RECK: variants seen among roughly 807,000 people sequenced by gnomAD.
RECK encodes the protein reversion inducing cysteine rich protein with kazal motifs.
RECK carries 69 observed loss-of-function variants against 115.1 expected under a neutral mutation model. The ratio of observed to expected loss-of-function variants is 0.60; its 90% CI spans 0.49 to 0.73. The LOEUF (loss-of-function observed/expected upper bound fraction) is 0.73. Among genes scored for constraint, RECK ranks in the 30% least tolerant of loss-of-function variants. The pLI is 0.00. For missense variants in RECK, 1,047 were observed against 1,203.7 expected, an observed-to-expected ratio of 0.87 and a Z score of 1.93; for synonymous variants, 414 against 419.7, an observed-to-expected ratio of 0.99 and a Z score of 0.17.
Position 36,072,276 on chromosome 9 carries a change from C to T in RECK, c.405+6652C>T, listed in dbSNP as rs1822261951. The stretch of plus-strand genomic sequence containing the variant: ...TTAACTTTGGTTCTAGATTTACTAC[C>T]AGAAGCATAAAGGAAAAGGGATGAA... On this transcript the variant is annotated intron_variant, in intron 6 of 20. Transcript: ENST00000377966. 1.3e-5 allele frequency among the ~76,000 whole-genome samples: 2 copies of T among 151,998 alleles called. 1 individual carries two copies. Among genetic ancestry groups the T allele is most frequent in the African/African-American group, 4.8e-5 (2 of 41,388 alleles).
intron 12 of RECK, among the ~76,000 whole-genome samples, chr9:36,104,146 C>T (rs1180393325): frequency 6.6e-6 from 1 of 150,838 alleles, no homozygotes; most frequent in African/African-American, 2.4e-5. Flanking sequence ...GCTAAATTAT[C>T]CTTCTTAGAC....
chr9:36,043,206 T>TTTG (rs1209953725), intron 1 of RECK, among the ~76,000 whole-genome samples: 2 of 143,538 alleles, frequency 1.4e-5, no homozygotes, highest in East Asian at 4.0e-4. Flanking sequence ...TTTTTTTTTT[T>TTTG]TTTTTTTTTG....
rs138284608 is a variant in RECK, at chr9:36,083,587, T to C, written c.637+25T>C. 119 of 1,596,084 alleles carry C rather than the reference T, an allele frequency of 7.5e-5. No homozygotes were observed. The East Asian group carries it at 2.6e-3, about 35-fold the overall frequency. ...AGTAAGTAAAAGGGACATATTCTTC[T>C]CATTTCAATCTTTGGTAAAATCGTT... On this transcript the variant is annotated intron_variant, in intron 8 of 20. Transcript: ENST00000377966.
chr9:36,120,461 A>G (rs1824418682), intron 18 of RECK, among the ~76,000 whole-genome samples: 1 of 152,122 alleles, frequency 6.6e-6, no homozygotes, highest in African/African-American at 2.4e-5. Flanking sequence ...GAAGGATGAA[A>G]AGCAGGGGTA....
intron 1 of RECK, among the ~76,000 whole-genome samples, chr9:36,049,917 C>A (rs1259840619): frequency 2.0e-5 from 3 of 152,168 alleles, no homozygotes; most frequent in Non-Finnish European, 4.4e-5. Context: ...GTTTGAAATC[C>A]TTATTACTTG....
intron 6 of RECK, among the ~76,000 whole-genome samples, chr9:36,070,339 G>A (rs1478844563): frequency 6.6e-6 from 1 of 152,140 alleles, no homozygotes; most frequent in Non-Finnish European, 1.5e-5. Context: ...TAGGAATCCA[G>A]ACTAAAGATG....
chr9:36,037,885 A>G (rs542509443), intron 1 of RECK, among the ~76,000 whole-genome samples: 79 of 151,074 alleles, frequency 5.2e-4, no homozygotes, highest in African/African-American at 1.8e-3. Context: ...TCGACCTAGG[A>G]TGAGTGGAAA....
chr9:36,120,787 C>T (rs1388877739), intron 19 of RECK, 51 bp downstream of exon 19: 1 of 1,188,846 alleles, frequency 8.4e-7, no homozygotes, highest in Non-Finnish European at 1.3e-6. Flanking sequence ...CTAAGCCTCT[C>T]AGTAATCCTA....
At chr9:36,081,854 T>C (rs1445066274) in intron 7 of RECK, among the ~76,000 whole-genome samples, 1 of 150,660 alleles carries the variant, frequency 6.6e-6, no homozygotes, top group African/African-American at 2.4e-5. Flanking sequence ...AAAAAATTTG[T>C]TCTTTGTGAA....
chr9:36,076,076 C>G (rs1822435290), intron 6 of RECK, among the ~76,000 whole-genome samples: 1 of 152,072 alleles, frequency 6.6e-6, no homozygotes, highest in South Asian at 2.1e-4. Flanking sequence ...AAAGCCAAAT[C>G]AAATTGGACA....
At position 36,064,908 on chromosome 9, in the gene RECK, C is replaced by A. The variant is rs115555030; in HGVS notation, c.358-669C>A. 7.3e-3 allele frequency among the ~76,000 whole-genome samples: 1,112 copies of A among 152,002 alleles called. 12 individuals carry two copies. The highest frequency in any genetic ancestry group is 0.024 in the African/African-American group (991 of 41,484). ...CTGACTCATGTGGAAAAACAGCCACCCCTCAGCAGATTTTTTTTGGCTTCT... is the reference window on the plus strand; with the variant it reads ...CTGACTCATGTGGAAAAACAGCCACACCTCAGCAGATTTTTTTTGGCTTCT... On this transcript the variant is annotated intron_variant, in intron 5 of 20. Transcript: ENST00000377966.
chr9:36,122,862 C>A lies in RECK; in HGVS notation c.2733C>A (p.Ser911=). The part of the protein sequence containing the change: ...ACNKEAEKIE[S]LINSDSPTLA... ...ATAAAGAAGCAGAGAAGATTGAGTC[C>A]CTTATCAACTCTGACAGCCCGACTT... The change falls in exon 21 of 21, where the codon TCC becomes TCA. Residue 911 remains serine, a synonymous_variant. Transcript: ENST00000377966. The A allele has an allele frequency of 6.2e-7, 1 of 1,614,146 alleles. No individual in the cohort carries two copies. Among genetic ancestry groups the A allele is most frequent in the Non-Finnish European group, 8.5e-7 (1 of 1,180,038 alleles).
chr9:36,120,787 C>A, intron 19 of RECK, 51 bp downstream of exon 19: 1 of 1,188,842 alleles, frequency 8.4e-7, no homozygotes, highest in Non-Finnish European at 1.3e-6. Flanking sequence ...CTAAGCCTCT[C>A]AGTAATCCTA....
In RECK at chr9:36,058,738, A is replaced by G. The variant is rs1197147567; in HGVS notation, c.160-89A>G. 9 of 575,924 alleles carry G rather than the reference A, an allele frequency of 1.6e-5. No homozygotes were observed. In the Admixed American group the frequency reaches 2.8e-4, roughly 18 times the overall value. The allele number at this position is 575,924 out of a possible 1,614,324, so 35.7% of individuals were successfully genotyped here. ...AAGGAAGTTGGAAAATATTCTAGAC[A>G]ACTGATAAATCTAGAGGATAATAAG... On this transcript the variant is annotated intron_variant, in intron 2 of 20. Transcript: ENST00000377966.
chr9:36,041,676 T>TA (rs922941860), intron 1 of RECK, among the ~76,000 whole-genome samples: 6 of 152,034 alleles, frequency 3.9e-5, no homozygotes, highest in African/African-American at 1.4e-4. Context: ...GACAGGAAAT[T>TA]AGACTTCCCG....
intron 13 of RECK, among the ~76,000 whole-genome samples, 157 bp from the exon 14 acceptor site, chr9:36,107,819 A>G (rs1342579194): frequency 1.3e-5 from 2 of 152,196 alleles, no homozygotes; most frequent in African/African-American, 2.4e-5. Context: ...TTTTTGGCCA[A>G]TGAACCAAAG....
intron 1 of RECK, among the ~76,000 whole-genome samples, chr9:36,037,828 A>G (rs1463923721): frequency 6.6e-6 from 1 of 152,072 alleles, no homozygotes; most frequent in Non-Finnish European, 1.5e-5. Context: ...AGAAATGTCC[A>G]GAGGAAATGA....
chr9:36,105,110 G>C, intron 12 of RECK, 33 bp from the exon 13 acceptor site: 1 of 1,587,810 alleles, frequency 6.3e-7, no homozygotes, highest in Non-Finnish European at 8.6e-7. Context: ...ACTCTTTTAG[G>C]TTGGTTAAAC....
chr9:36,056,885 A>G lies in RECK; in HGVS notation c.160-1942A>G, dbSNP rs766038652. ...AGGCGTTGCAAAATAGTGATATTCT[A>G]TCTCTTTTCACTTCTTAATTGTAGT... On this transcript the variant is annotated intron_variant, in intron 2 of 20. Transcript: ENST00000377966. 9.6e-4 allele frequency: 670 copies of G among 698,538 alleles called. 1 individual carries two copies. The highest frequency in any genetic ancestry group is 2.4e-3 in the Admixed American group (38 of 15,908). The allele number at this position is 698,538 out of a possible 1,614,324, so 43.3% of individuals were successfully genotyped here. A position where few individuals can be genotyped will look rare whatever the true frequency, so the allele number is the denominator to read the frequency against.
Sources: gnomAD v4.1 joint callset for allele counts (sites outside exome capture counted in the v4.1 genomes callset) on GRCh38, gnomAD v4.1.1 for gene constraint, MANE v1.5 for transcripts, NCBI Gene and HGNC (gene_info 2026-07-23, HGNC 2026-07-21) for gene names.